The following DMGDH variants were observed in gnomAD, a reference collection of about 807,000 sequenced individuals.
DMGDH encodes dimethylglycine dehydrogenase, mitochondrial.
In DMGDH, 76 loss-of-function variants were observed where a neutral mutation model predicts 95.2. The ratio of observed to expected loss-of-function variants is 0.80; its 90% CI spans 0.66 to 0.97. DMGDH has a LOEUF of 0.97. Among genes scored for constraint, DMGDH ranks in the 50% least tolerant of loss-of-function variants. The probability of loss-of-function intolerance (pLI) is 0.00; values close to 1 mark genes in which losing one functional copy is unlikely to be tolerated. For synonymous variants in DMGDH, 345 were observed against 377.6 expected (o/e 0.91, Z 1.00); for missense variants, 987 against 1,055.0 (o/e 0.94, Z 0.89).
chr5:79,003,810 G>A (rs1753496544), intron 15 of DMGDH, among the ~76,000 whole-genome samples: 1 of 152,122 alleles, frequency 6.6e-6, no homozygotes, highest in South Asian at 2.1e-4. Flanking sequence ...AGCCAAGCAT[G>A]GTGGCACGCA....
chr5:79,047,231 T>A (rs1049131191), intron 5 of DMGDH, among the ~76,000 whole-genome samples: 6 of 151,500 alleles, frequency 4.0e-5, no homozygotes, highest in African/African-American at 1.5e-4. Context: ...AAGAGAAGAG[T>A]CAATTAAAAA....
rs1421780187 is a variant in DMGDH at position 79,028,562 on chromosome 5, G to T, written c.1903C>A (p.Pro635Thr). 6.2e-7 allele frequency: 1 copy of T among 1,613,866 alleles called. No individual in the cohort carries two copies. The highest frequency in any genetic ancestry group is 8.5e-7 in the Non-Finnish European group (1 of 1,180,002). ...DELGVLGVAG[P>T]QARKVLQKLT... is the part of the protein sequence containing the mutation. ...TTCTGAAGGACCTTTCTTGCCTGTG[G>T]CCCAGCAACTCCAAGAACTCCAAGC... Residue 635 changes from proline (P) to threonine (T), a missense_variant, in exon 12 of 16, where the codon CCA (proline) becomes ACA (threonine). Pro to Thr is a conservative substitution (Grantham distance 38). Transcript: ENST00000255189.
At chr5:79,029,093 GA>G (rs1754080602) in intron 11 of DMGDH, among the ~76,000 whole-genome samples, 1 of 152,204 alleles carries the variant, frequency 6.6e-6, no homozygotes, top group Non-Finnish European at 1.5e-5. Flanking sequence ...GAATCACAAG[GA>G]AAAGACAGAA....
chr5:79,043,328 C>T (rs1448382149), intron 6 of DMGDH, among the ~76,000 whole-genome samples: 2 of 152,166 alleles, frequency 1.3e-5, no homozygotes, highest in Non-Finnish European at 2.9e-5. Context: ...AAGCTGCCAG[C>T]ATGGGGGAAC....
chr5:79,005,533 C>T (rs752542133), intron 14 of DMGDH, 126 bp from the exon 15 acceptor site: 42 of 1,303,372 alleles, frequency 3.2e-5, no homozygotes, highest in African/African-American at 7.3e-5. Flanking sequence ...AAATACAGAT[C>T]GGATCATATG....
At chr5:79,001,431 G>A (rs1753453529) in intron 15 of DMGDH, among the ~76,000 whole-genome samples, 1 of 152,166 alleles carries the variant, frequency 6.6e-6, no homozygotes, top group African/African-American at 2.4e-5. Context: ...CCAAAGTGCT[G>A]GGATTACAGG....
In DMGDH at chr5:79,033,354, C is replaced by A. The variant is rs1204536056; in HGVS notation, c.1248G>T (p.Leu416=). ...GVGKYLSDWI[L]HGEPPFDLIE... is the part of the protein sequence containing the mutation. ...TCAGATCAAAAGGAGGTTCTCCATG[C>A]AGGATCCAGTCACTGAGATATTTCC... Residue 416 remains leucine (L), a synonymous_variant, in exon 8 of 16, where the codon CTG becomes CTT. Coordinates refer to ENST00000255189, the MANE Select transcript of DMGDH (RefSeq NM_013391.3). 2 of 1,614,196 alleles carry A rather than the reference C, an allele frequency of 1.2e-6. No individual in the cohort carries two copies. The highest frequency in any genetic ancestry group is 2.2e-5 in the South Asian group (2 of 91,084).
At chr5:79,043,393 A>T (rs1290778213) in intron 6 of DMGDH, among the ~76,000 whole-genome samples, 1 of 152,208 alleles carries the variant, frequency 6.6e-6, no homozygotes, top group Non-Finnish European at 1.5e-5. Flanking sequence ...GATCAGGAGC[A>T]ATTCTGCTCA....
At chr5:79,002,264 C>T (rs539475847) in intron 15 of DMGDH, among the ~76,000 whole-genome samples, 1 of 152,318 alleles carries the variant, frequency 6.6e-6, no homozygotes, top group South Asian at 2.1e-4. Context: ...TCTAAGCTCT[C>T]CAAACCTCTC....
At position 78,998,094 on chromosome 5, in the gene DMGDH, C is replaced by T. The variant is rs1753391048; in HGVS notation, c.2589G>A (p.Lys863=). 1.2e-6 allele frequency: 2 copies of T among 1,614,130 alleles called. No homozygotes were observed. The highest frequency in any genetic ancestry group is 2.2e-5 in the East Asian group (1 of 44,882). ...TGAAGGTCTTTTTTCAAGTTTTGTC[C>T]TTTCCACCTTTTTTCTGAAGCCGGT... ...TRNRLQKKGG[K]DKT The change falls in exon 16 of 16, where the codon AAG becomes AAA. Residue 863 remains lysine, a synonymous_variant. Transcript: ENST00000255189.
intron 14 of DMGDH, among the ~76,000 whole-genome samples, chr5:79,008,387 A>G (rs1358079055): frequency 1.3e-5 from 2 of 152,214 alleles, no homozygotes; most frequent in East Asian, 3.8e-4. Flanking sequence ...CCCCACAGAT[A>G]CTGGATTTGG....
intron 4 of DMGDH, 106 bp downstream of exon 4, chr5:79,054,078 T>C: frequency 1.5e-6 from 2 of 1,311,052 alleles, no homozygotes; most frequent in East Asian, 2.4e-5. Context: ...TTTTGTCACA[T>C]TTAAAATGTG....
intron 7 of DMGDH, among the ~76,000 whole-genome samples, chr5:79,036,449 T>A (rs1464897117): frequency 6.6e-6 from 1 of 152,198 alleles, no homozygotes; most frequent in Non-Finnish European, 1.5e-5. Flanking sequence ...CCTCTTTAAA[T>A]TTGCTGTTTA....
At chr5:79,029,804 A>C in intron 11 of DMGDH, 100 bp downstream of exon 11, 1 of 1,230,572 alleles carries the variant, frequency 8.1e-7, no homozygotes, top group Admixed American at 2.4e-5. Flanking sequence ...TTAAGAAGAA[A>C]TAAAGTTGTA....
At chr5:79,065,384 G>C (rs889445352) in intron 1 of DMGDH, among the ~76,000 whole-genome samples, 89 of 151,730 alleles carry the variant, frequency 5.9e-4, no homozygotes, top group African/African-American at 2.1e-3. Context: ...GCTAATTTTT[G>C]TATTTTTAGT....
chr5:79,021,495 G>T, intron 14 of DMGDH: 1 of 1,265,306 alleles, frequency 7.9e-7, no homozygotes, highest in Non-Finnish European at 1.0e-6. Flanking sequence ...ACTCCAAGAC[G>T]GAAGGAAGCA....
At chr5:79,029,839 AACTT>A in intron 11 of DMGDH, 61 bp downstream of exon 11, 1 of 1,538,652 alleles carries the variant, frequency 6.5e-7, no homozygotes, top group Non-Finnish European at 8.9e-7. Flanking sequence ...TAAAAAGAAA[AACTT>A]AATGTAAGAT....
At chr5:79,024,849 G>A (rs1753955044) in intron 13 of DMGDH, among the ~76,000 whole-genome samples, 1 of 152,244 alleles carries the variant, frequency 6.6e-6, no homozygotes, top group African/African-American at 2.4e-5. Context: ...TAGCTACCAA[G>A]TCAGGGCTAA....
At chr5:79,055,026 AAAGGTGGTGACCCCAGGG>A in intron 3 of DMGDH, among the ~76,000 whole-genome samples, 1 of 152,328 alleles carries the variant, frequency 6.6e-6, no homozygotes, top group African/African-American at 2.4e-5. Flanking sequence ...AAGGCTTCTC[AAAGGTGGTGACCCCAGGG>A]AAGGTGGATG....
Sources: gnomAD v4.1 joint callset for allele counts (sites outside exome capture counted in the v4.1 genomes callset) on GRCh38, gnomAD v4.1.1 for gene constraint, MANE v1.5 for transcripts, NCBI Gene and HGNC (gene_info 2026-07-23, HGNC 2026-07-21) for gene names.